The following TBC1D14 variants were observed in gnomAD, a reference collection of about 807,000 sequenced individuals.
TBC1D14 encodes the protein TBC1 domain family member 14, also known as TBC1 domain family, member 14.
Under a neutral mutation model 79.0 loss-of-function variants are expected in TBC1D14, and 26 were observed. That is an observed-to-expected ratio of 0.33 (90% CI 0.24 to 0.46). TBC1D14 has a LOEUF of 0.46. Among genes scored for constraint, TBC1D14 ranks in the 20% least tolerant of loss-of-function variants. The pLI is 1.00. For missense variants in TBC1D14, 769 were observed against 887.6 expected (o/e 0.87, Z 1.70); for synonymous variants, 394 against 349.9 (o/e 1.13, Z -1.40).
intron 3 of TBC1D14, among the ~76,000 whole-genome samples, chr4:6,990,901 C>A (rs1316906276): frequency 1.4e-5 from 2 of 140,778 alleles, no homozygotes; most frequent in Non-Finnish European, 1.5e-5. Flanking sequence ...TGTTCTTTCT[C>A]CAGTGCTGTT....
intron 9 of TBC1D14, among the ~76,000 whole-genome samples, chr4:7,008,170 A>G (rs1720401380): frequency 6.6e-6 from 1 of 152,200 alleles, no homozygotes; most frequent in South Asian, 2.1e-4. Context: ...ACTAAATCCA[A>G]CCAGAGGTCA....
intron 4 of TBC1D14, 63 bp downstream of exon 4, chr4:6,994,365 A>C: frequency 1.4e-6 from 2 of 1,474,890 alleles, no homozygotes; most frequent in Non-Finnish European, 1.9e-6. Context: ...CTTGCTAAGC[A>C]GCTTTTCATT....
At chr4:6,921,990 C>T (rs563879047) in intron 1 of TBC1D14, among the ~76,000 whole-genome samples, 2 of 152,208 alleles carry the variant, frequency 1.3e-5, no homozygotes, top group South Asian at 2.1e-4. Flanking sequence ...CCACTGCGCC[C>T]GGCCATGCCA....
Position 7,030,309 on chromosome 4 carries a change from CT to C in TBC1D14, c.2017-16del. ...TGCGTGGTCACTTAACCTCAGCTGT[CT>C]TCCCTGTGACTTCTAGGTACTGACT... On this transcript the variant is annotated splice_polypyrimidine_tract_variant and intron_variant, in intron 13 of 13. Coordinates refer to ENST00000409757, the MANE Select transcript of TBC1D14 (RefSeq NM_020773.3). 1.2e-6 allele frequency: 2 copies of C among 1,613,090 alleles called. No individual in the cohort carries two copies. The highest frequency in any genetic ancestry group is 2.7e-5 in the African/African-American group (2 of 75,042).
chr4:6,998,187 C>G (rs556549366), intron 5 of TBC1D14, among the ~76,000 whole-genome samples: 1 of 152,002 alleles, frequency 6.6e-6, no homozygotes, highest in African/African-American at 2.4e-5. Context: ...TGGTAAAACC[C>G]TGTCTCTACT....
chr4:6,948,466 C>G (rs1560271907), intron 2 of TBC1D14, among the ~76,000 whole-genome samples: 1 of 152,178 alleles, frequency 6.6e-6, no homozygotes, highest in East Asian at 1.9e-4. Context: ...GTATCCCACT[C>G]TTTGTTCTCC....
intron 1 of TBC1D14, among the ~76,000 whole-genome samples, chr4:6,912,013 C>G (rs4605651): frequency 1 from 151,802 of 152,332 alleles, 75,641 homozygotes; most frequent in Non-Finnish European, 1. Context: ...CTGAACTCCT[C>G]GGCTCAAGCG....
intron 2 of TBC1D14, among the ~76,000 whole-genome samples, chr4:6,939,467 C>T (rs1167556153): frequency 2.0e-5 from 3 of 152,184 alleles, no homozygotes; most frequent in Admixed American, 6.5e-5. Flanking sequence ...ACTTATTGTA[C>T]GCTGGTGCTC....
At chr4:6,930,517 G>T (rs567050087) in intron 2 of TBC1D14, among the ~76,000 whole-genome samples, 1 of 152,216 alleles carries the variant, frequency 6.6e-6, no homozygotes, top group Non-Finnish European at 1.5e-5. Context: ...CTATGAGGGG[G>T]CCAGGCGCAG....
intron 1 of TBC1D14, among the ~76,000 whole-genome samples, chr4:6,916,209 C>T (rs573262609): frequency 6.1e-4 from 92 of 151,576 alleles, no homozygotes; most frequent in African/African-American, 2.0e-3. Context: ...TGAAGGTGAG[C>T]GCACCACCCT....
Position 6,923,483 on chromosome 4 carries a change from C to T in TBC1D14, c.94C>T (p.His32Tyr), listed in dbSNP as rs770894126. The change falls in exon 2 of 14, where the codon CAC becomes TAC. Residue 32 changes from histidine to tyrosine, a missense_variant. His to Tyr is a moderately conservative substitution (Grantham distance 83, BLOSUM62 2). Transcript: ENST00000409757. The part of the protein sequence containing the change: ...RPGNPLQNLQ[H>Y]VNLKAPRLLS... Reference sequence around the variant, plus strand: ...AGGAAACCCCCTTCAGAACCTGCAACACGTCAATCTCAAGGCGCCCCGACT... The same window carrying T: ...AGGAAACCCCCTTCAGAACCTGCAATACGTCAATCTCAAGGCGCCCCGACT... 1.9e-5 allele frequency: 31 copies of T among 1,614,108 alleles called. No individual in the cohort carries two copies. Among genetic ancestry groups the T allele is most frequent in the East Asian group, 1.3e-4 (6 of 44,898 alleles).
intron 2 of TBC1D14, among the ~76,000 whole-genome samples, chr4:6,964,289 TCTC>T (rs1398594017): frequency 6.6e-6 from 1 of 151,982 alleles, no homozygotes; most frequent in African/African-American, 2.4e-5. Context: ...CACCCAGACT[TCTC>T]CTTTCTGCAC....
chr4:6,912,971 T>G (rs1723123314), intron 1 of TBC1D14, among the ~76,000 whole-genome samples: 1 of 152,218 alleles, frequency 6.6e-6, no homozygotes, highest in Admixed American at 6.5e-5. Context: ...GATTTTGTTT[T>G]GTTTTTTGTT....
intron 7 of TBC1D14, among the ~76,000 whole-genome samples, chr4:7,004,555 G>T (rs1719992423): frequency 6.6e-6 from 1 of 152,188 alleles, no homozygotes; most frequent in Admixed American, 6.5e-5. Context: ...TCTGGGAGAG[G>T]CAGTAGACAA....
At chr4:6,973,005 T>C (rs1296397299) in intron 3 of TBC1D14, among the ~76,000 whole-genome samples, 1 of 152,084 alleles carries the variant, frequency 6.6e-6, no homozygotes, top group Non-Finnish European at 1.5e-5. Context: ...GGAAATGAGG[T>C]TGAGCGGAAA....
chr4:6,924,379 C>T (rs1335841788), intron 2 of TBC1D14, among the ~76,000 whole-genome samples: 1 of 152,190 alleles, frequency 6.6e-6, no homozygotes, highest in African/African-American at 2.4e-5. Flanking sequence ...CACAGGTGGC[C>T]AGTGTTACCA....
At chr4:6,984,944 G>T (rs73202108) in intron 3 of TBC1D14, among the ~76,000 whole-genome samples, 3,812 of 152,312 alleles carry the variant, frequency 0.025, 69 homozygotes, top group Non-Finnish European at 0.039. Context: ...AAGAGATGGT[G>T]CAGCTCAATT....
intron 2 of TBC1D14, among the ~76,000 whole-genome samples, chr4:6,938,637 T>C (rs1438498670): frequency 6.6e-6 from 1 of 152,118 alleles, no homozygotes; most frequent in Non-Finnish European, 1.5e-5. Context: ...TCTCTGAGGA[T>C]CCACATCCCT....
rs768294317 is a variant in TBC1D14 at position 6,923,385 on chromosome 4, C to G, written c.-5C>G. On this transcript the variant is annotated 5_prime_UTR_variant, in exon 2 of 14. Transcript: ENST00000409757. ...GTGTTTTTTCTAGTTTCTCCTTGGACCAAGATGACTGATGGAAAACTCTCC... is the reference window on the plus strand; with the variant it reads ...GTGTTTTTTCTAGTTTCTCCTTGGAGCAAGATGACTGATGGAAAACTCTCC... The G allele has an allele frequency of 1.3e-6, 2 of 1,587,008 alleles. No homozygotes were observed. Among genetic ancestry groups the G allele is most frequent in the Non-Finnish European group, 1.7e-6 (2 of 1,165,508 alleles).
Sources: allele counts gnomAD v4.1 joint callset (sites outside exome capture counted in the v4.1 genomes callset), GRCh38; gene constraint gnomAD v4.1.1; transcripts MANE v1.5; gene names NCBI Gene and HGNC (gene_info 2026-07-23, HGNC 2026-07-21).